NSRP1: variants seen among roughly 807,000 people sequenced by gnomAD.
NSRP1 encodes coiled-coil domain containing 55.
In NSRP1, 24 loss-of-function variants were observed where a neutral mutation model predicts 54.7. The observed-to-expected ratio is 0.44, with a 90% CI of 0.32 to 0.62. The LOEUF (loss-of-function observed/expected upper bound fraction) is 0.62. Ranked by LOEUF, NSRP1 falls within the 20% of genes least tolerant of loss-of-function variation. The probability of loss-of-function intolerance (pLI) is 0.06; values close to 1 mark genes in which losing one functional copy is unlikely to be tolerated. For synonymous variants in NSRP1, 210 were observed against 213.8 expected (o/e 0.98, Z 0.15); for missense variants, 596 against 651.2 (o/e 0.92, Z 0.92).
intron 2 of NSRP1, among the ~76,000 whole-genome samples, chr17:30,119,553 AGTGCAGTG>A (rs2071578568): frequency 6.6e-6 from 1 of 151,596 alleles, no homozygotes; most frequent in South Asian, 2.1e-4. Context: ...CCCAGGCTGG[AGTGCAGTG>A]GTGCGATCTC....
At chr17:30,141,777 C>A (rs2071807691) in intron 2 of NSRP1, among the ~76,000 whole-genome samples, 1 of 152,036 alleles carries the variant, frequency 6.6e-6, no homozygotes, top group Non-Finnish European at 1.5e-5. Context: ...CCAAAGTGGG[C>A]GGATTGATTG....
chr17:30,169,699 C>T (rs1904856411), intron 2 of NSRP1, among the ~76,000 whole-genome samples: 1 of 151,808 alleles, frequency 6.6e-6, no homozygotes, highest in South Asian at 2.1e-4. Flanking sequence ...AACATCTTTC[C>T]CCCAGTTAGT....
Position 30,155,700 on chromosome 17 carries a change from C to T in NSRP1, c.115-16842C>T, listed in dbSNP as rs117541573. ...AGCTAGGACTACAGACGTACACCAT[C>T]GTGTGGCTTTTTTCTTTTTTTAAGC... On this transcript the variant is annotated intron_variant, in intron 2 of 6. Coordinates refer to ENST00000247026, the MANE Select transcript of NSRP1 (RefSeq NM_032141.4). Among the ~76,000 whole-genome samples the T allele has an allele frequency of 4.2e-3, 639 of 152,138 alleles. 3 individuals carry two copies. Among genetic ancestry groups the T allele is most frequent in the Middle Eastern group, 0.01 (3 of 294 alleles).
chr17:30,153,278 G>T (rs980065091), intron 2 of NSRP1, among the ~76,000 whole-genome samples: 1 of 151,834 alleles, frequency 6.6e-6, no homozygotes, highest in Non-Finnish European at 1.5e-5. Context: ...CCTATTTCTA[G>T]ATCTTTTAAA....
chr17:30,117,645 A>T (rs1443535033), intron 1 of NSRP1: 1 of 335,130 alleles, frequency 3.0e-6, no homozygotes, highest in Admixed American at 4.4e-5. Context: ...GAAACTGTGT[A>T]AGTACACAGT....
intron 2 of NSRP1, among the ~76,000 whole-genome samples, chr17:30,137,569 C>T (rs985588276): frequency 1.3e-5 from 2 of 152,200 alleles, no homozygotes; most frequent in African/African-American, 4.8e-5. Flanking sequence ...GTAGCATGAG[C>T]GAGAAATAAA....
At chr17:30,119,083 A>C (rs1007311941) in intron 2 of NSRP1, among the ~76,000 whole-genome samples, 27 of 150,210 alleles carry the variant, frequency 1.8e-4, no homozygotes, top group Admixed American at 1.5e-3. Context: ...TCATGTTTTA[A>C]TATTTTTTTT....
chr17:30,171,965 CACACACA>C (rs1567804334), intron 2 of NSRP1, among the ~76,000 whole-genome samples: 20 of 136,484 alleles, frequency 1.5e-4, no homozygotes, highest in African/African-American at 5.5e-4. Context: ...CACACACACA[CACACACA>C]CTCCCTCTCT....
chr17:30,141,160 T>C (rs1394512744), intron 2 of NSRP1, among the ~76,000 whole-genome samples: 1 of 151,976 alleles, frequency 6.6e-6, no homozygotes, highest in Non-Finnish European at 1.5e-5. Context: ...CTTTTAGTTT[T>C]CTATTTTATT....
chr17:30,163,582 A>G (rs1374491311), intron 2 of NSRP1, among the ~76,000 whole-genome samples: 2 of 151,540 alleles, frequency 1.3e-5, no homozygotes, highest in Middle Eastern at 3.4e-3. Context: ...AATAATTTTT[A>G]TTCTCTACAC....
At chr17:30,183,220 A>AG (rs1905377001) in intron 6 of NSRP1, among the ~76,000 whole-genome samples, 1 of 121,822 alleles carries the variant, frequency 8.2e-6, no homozygotes, top group Admixed American at 9.2e-5. Flanking sequence ...GTCCTAAGCA[A>AG]AAAAAAAAAA....
At chr17:30,124,393 G>T (rs1045929643) in intron 2 of NSRP1, among the ~76,000 whole-genome samples, 1 of 152,228 alleles carries the variant, frequency 6.6e-6, no homozygotes, top group Non-Finnish European at 1.5e-5. Flanking sequence ...AATGAGGCTG[G>T]TGTTAGCTAG....
chr17:30,171,970 A>ACACACT (rs1904954689), intron 2 of NSRP1, among the ~76,000 whole-genome samples: 2 of 99,156 alleles, frequency 2.0e-5, no homozygotes, highest in East Asian at 6.6e-4. Flanking sequence ...ACACACACAC[A>ACACACT]CACTCCCTCT....
chr17:30,176,683 C>T (rs1905139196), intron 3 of NSRP1, among the ~76,000 whole-genome samples: 1 of 143,412 alleles, frequency 7.0e-6, no homozygotes, highest in African/African-American at 2.5e-5. Context: ...GTGATTATTT[C>T]TTAGATTCCA....
chr17:30,165,186 A>C (rs1238022785), intron 2 of NSRP1, among the ~76,000 whole-genome samples: 1 of 152,230 alleles, frequency 6.6e-6, no homozygotes, highest in African/African-American at 2.4e-5. Context: ...AGGAAGGATG[A>C]GTATGGCTTA....
intron 2 of NSRP1, among the ~76,000 whole-genome samples, chr17:30,160,058 C>T (rs757227312): frequency 8.5e-5 from 13 of 152,048 alleles, no homozygotes; most frequent in Non-Finnish European, 1.6e-4. Flanking sequence ...TTGAGATGAT[C>T]ATATGGTTTT....
intron 2 of NSRP1, chr17:30,163,285 C>G (rs1250429900): frequency 1.3e-5 from 2 of 148,638 alleles, no homozygotes; most frequent in African/African-American, 5.1e-5. Context: ...GTTAGCCAGC[C>G]TGGTCTCGAA....
intron 2 of NSRP1, among the ~76,000 whole-genome samples, chr17:30,140,791 G>T (rs1364216970): frequency 6.6e-6 from 1 of 152,078 alleles, no homozygotes; most frequent in African/African-American, 2.4e-5. Flanking sequence ...GCCGCCCAAA[G>T]TGGTGGGATT....
chr17:30,133,788 G>A, intron 2 of NSRP1, among the ~76,000 whole-genome samples: 1 of 152,192 alleles, frequency 6.6e-6, no homozygotes, highest in Non-Finnish European at 1.5e-5. Context: ...GGAACATTGT[G>A]GCTAGTTTGA....
Sources: gnomAD v4.1 joint callset for allele counts (sites outside exome capture counted in the v4.1 genomes callset) on GRCh38, gnomAD v4.1.1 for gene constraint, MANE v1.5 for transcripts, NCBI Gene and HGNC (gene_info 2026-07-23, HGNC 2026-07-21) for gene names.